The following RNF17 variants were observed in gnomAD, a reference collection of about 807,000 sequenced individuals.
RNF17 encodes spermatogenesis associated 23.
A neutral mutation model predicts 200.5 loss-of-function variants in RNF17; 31 were observed. That is an observed-to-expected ratio of 0.15 (90% CI 0.12 to 0.21). The LOEUF (loss-of-function observed/expected upper bound fraction) is 0.21. RNF17 is among the 10% of genes least tolerant of loss of function. The probability of loss-of-function intolerance (pLI) is 1.00; values close to 1 mark genes in which losing one functional copy is unlikely to be tolerated. For synonymous variants in RNF17, 606 were observed against 637.8 expected (o/e 0.95, Z 0.75); for missense variants, 1,628 against 1,905.1 (o/e 0.85, Z 2.71).
chr13:24,786,410 T>C (rs552938712), intron 6 of RNF17, among the ~76,000 whole-genome samples: 2 of 152,324 alleles, frequency 1.3e-5, no homozygotes, highest in South Asian at 4.1e-4. Flanking sequence ...TTAAATTCTG[T>C]AGAAAATAAA....
chr13:24,781,769 A>G (rs1321448396), intron 5 of RNF17, 75 bp from the exon 6 acceptor site: 1 of 1,036,076 alleles, frequency 9.7e-7, no homozygotes, highest in East Asian at 2.5e-5. Context: ...AGTACCTTTT[A>G]CTTTCAAAAT....
At chr13:24,761,716 T>C (rs918678266), upstream of RNF17, among the ~76,000 whole-genome samples, 2 of 152,344 alleles carry the variant, frequency 1.3e-5, no homozygotes, top group South Asian at 2.1e-4. Flanking sequence ...ACAACCTAAA[T>C]TGAATGTTAA....
At chr13:24,762,236 G>C (rs922518816), upstream of RNF17, among the ~76,000 whole-genome samples, 3 of 152,074 alleles carry the variant, frequency 2.0e-5, no homozygotes, top group African/African-American at 7.2e-5. Context: ...TGGGCGTGGT[G>C]GCATGCGCCT....
chr13:24,840,496 T>C (rs1396457509), intron 18 of RNF17, among the ~76,000 whole-genome samples: 1 of 150,570 alleles, frequency 6.6e-6, no homozygotes, highest in Non-Finnish European at 1.5e-5. Flanking sequence ...AATCAATGAG[T>C]GGATAAAGAA....
chr13:24,861,892 A>G (rs540874079), intron 27 of RNF17, among the ~76,000 whole-genome samples: 2 of 152,318 alleles, frequency 1.3e-5, no homozygotes, highest in South Asian at 2.1e-4. Flanking sequence ...TGGGTAATTT[A>G]TGAAGAAAAG....
At chr13:24,863,772 G>GAC (rs151034385) in intron 28 of RNF17, among the ~76,000 whole-genome samples, 1 of 152,182 alleles carries the variant, frequency 6.6e-6, no homozygotes, top group Non-Finnish European at 1.5e-5. Flanking sequence ...TCGCTTAATT[G>GAC]ACACAGAAGA....
At chr13:24,867,446 T>G (rs772271695) in intron 30 of RNF17, among the ~76,000 whole-genome samples, 20 of 152,340 alleles carry the variant, frequency 1.3e-4, no homozygotes, top group Admixed American at 6.5e-4. Context: ...AGAGTTTTAG[T>G]ACATAAACCT....
At chr13:24,790,711 A>G (rs909484617) in intron 9 of RNF17, among the ~76,000 whole-genome samples, 6 of 152,168 alleles carry the variant, frequency 3.9e-5, no homozygotes, top group Non-Finnish European at 2.9e-5. Context: ...GTTTCTGGTG[A>G]GGGCCCTGAT....
At chr13:24,844,911 AT>A (rs757707958) in intron 21 of RNF17, 49 bp from the exon 22 acceptor site, 25 of 1,556,472 alleles carry the variant, frequency 1.6e-5, no homozygotes, top group East Asian at 2.2e-5. Context: ...TGCCAAAAAA[AT>A]ATTTCGAAAT....
intron 10 of RNF17, among the ~76,000 whole-genome samples, chr13:24,795,787 C>T (rs1394439630): frequency 1.3e-5 from 2 of 152,040 alleles, no homozygotes; most frequent in Admixed American, 1.3e-4. Context: ...TTCTGAGTTC[C>T]AAATATGTTC....
chr13:24,825,268 A>C (rs183693203), intron 15 of RNF17, among the ~76,000 whole-genome samples: 4 of 152,270 alleles, frequency 2.6e-5, no homozygotes, highest in Non-Finnish European at 5.9e-5. Flanking sequence ...ACAGTTACTG[A>C]AATAGAACAA....
intron 15 of RNF17, among the ~76,000 whole-genome samples, chr13:24,818,498 A>G (rs922168832): frequency 6.6e-6 from 1 of 152,030 alleles, no homozygotes; most frequent in African/African-American, 2.4e-5. Flanking sequence ...TTCTATTTTT[A>G]TTATTGAACT....
intron 2 of RNF17, among the ~76,000 whole-genome samples, chr13:24,767,746 C>CAAAAA (rs71186846): frequency 1.1e-5 from 1 of 94,990 alleles, no homozygotes; most frequent in African/African-American, 3.8e-5. Flanking sequence ...GACTCCATCT[C>CAAAAA]AAAAAAAAAA....
chr13:24,883,398 T>G (rs1953921210), downstream of RNF17: 2 of 1,498,266 alleles, frequency 1.3e-6, no homozygotes, highest in South Asian at 2.5e-5. Context: ...ATATGATTTC[T>G]TAAAAAAAAA....
At chr13:24,807,538 G>C (rs1047801432) in intron 15 of RNF17, among the ~76,000 whole-genome samples, 3 of 152,136 alleles carry the variant, frequency 2.0e-5, no homozygotes, top group African/African-American at 4.8e-5. Flanking sequence ...GTAGTTTTTG[G>C]ATACTAGCCC....
chr13:24,884,862 A>T (rs1356455652), downstream of RNF17, among the ~76,000 whole-genome samples: 4 of 152,234 alleles, frequency 2.6e-5, no homozygotes, highest in Admixed American at 2.6e-4. Context: ...CCTGAGGAAA[A>T]AATTCCCTCA....
chr13:24,835,780 A>C (rs548197887), intron 18 of RNF17, among the ~76,000 whole-genome samples: 21 of 152,298 alleles, frequency 1.4e-4, no homozygotes, highest in Admixed American at 1.0e-3. Flanking sequence ...TACCCCCCCA[A>C]AATCACACTA....
chr13:24,802,273 C>T (rs1885346316), intron 13 of RNF17, 108 bp from the exon 14 acceptor site: 5 of 955,458 alleles, frequency 5.2e-6, no homozygotes, highest in Non-Finnish European at 7.7e-6. Flanking sequence ...GCGGTTGGTT[C>T]AGTTTGTTCG....
intron 15 of RNF17, among the ~76,000 whole-genome samples, chr13:24,805,711 A>G (rs915184002): frequency 2.0e-5 from 3 of 152,168 alleles, no homozygotes; most frequent in South Asian, 2.1e-4. Context: ...TCTGGTATGT[A>G]TAATACCTAG....
Sources: gnomAD v4.1 joint callset for allele counts (sites outside exome capture counted in the v4.1 genomes callset) on GRCh38, gnomAD v4.1.1 for gene constraint, MANE v1.5 for transcripts, NCBI Gene and HGNC (gene_info 2026-07-23, HGNC 2026-07-21) for gene names.